Variants in PTPRD observed in about 807,000 individuals in gnomAD.
PTPRD encodes the protein receptor-type tyrosine-protein phosphatase delta.
PTPRD carries 34 observed loss-of-function variants against 214.5 expected under a neutral mutation model. The observed-to-expected ratio is 0.16, with a 90% CI of 0.12 to 0.21. The LOEUF (loss-of-function observed/expected upper bound fraction) is 0.21. Ranked by LOEUF, PTPRD falls within the 10% of genes least tolerant of loss-of-function variation. PTPRD has a pLI of 1.00. For missense variants in PTPRD, 2,545 were observed against 2,398.7 expected, an observed-to-expected ratio of 1.06 and a Z score of -1.27; for synonymous variants, 1,128 against 845.7, an observed-to-expected ratio of 1.33 and a Z score of -5.79.
intron 3 of PTPRD, among the ~76,000 whole-genome samples, chr9:10,178,677 A>G (rs971420190): frequency 4.6e-5 from 7 of 152,038 alleles, no homozygotes; most frequent in Admixed American, 3.3e-4. Context: ...CAGATACATC[A>G]GGATTTCTCA....
chr9:8,498,515 A>G lies in PTPRD; in HGVS notation c.2322+1132T>C, dbSNP rs182324738. The stretch of plus-strand genomic sequence containing the variant: ...ATGGTCTCGATCTCTTGACCAGGGG[A>G]TCCGTCCGCCTTTACAGACGAGAAC... On this transcript the variant is annotated intron_variant, in intron 25 of 45. Transcript: ENST00000381196. Among the ~76,000 whole-genome samples, 194 of 152,272 alleles carry G rather than the reference A, an allele frequency of 1.3e-3. 1 individual carries two copies. Among genetic ancestry groups the G allele is most frequent in the African/African-American group, 4.0e-3 (165 of 41,556 alleles).
At chr9:9,173,441 G>A (rs1222067566) in intron 10 of PTPRD, among the ~76,000 whole-genome samples, 1 of 152,086 alleles carries the variant, frequency 6.6e-6, no homozygotes, top group Non-Finnish European at 1.5e-5. Flanking sequence ...TGATAAATGT[G>A]TTGTTAGCTG....
chr9:9,867,761 T>TA (rs1047566344), intron 5 of PTPRD, among the ~76,000 whole-genome samples: 4 of 152,110 alleles, frequency 2.6e-5, no homozygotes, highest in Non-Finnish European at 5.9e-5. Context: ...GGCAGGCAAG[T>TA]AGGTTTAAGC....
At chr9:10,469,757 C>G (rs2099018123) in intron 2 of PTPRD, among the ~76,000 whole-genome samples, 1 of 151,954 alleles carries the variant, frequency 6.6e-6, no homozygotes, top group Admixed American at 6.6e-5. Flanking sequence ...TAGAACCAAC[C>G]CAAGTGTCCA....
At chr9:9,995,012 G>C (rs986669965) in intron 4 of PTPRD, among the ~76,000 whole-genome samples, 2 of 151,906 alleles carry the variant, frequency 1.3e-5, no homozygotes, top group Non-Finnish European at 2.9e-5. Context: ...ACATATATAA[G>C]CAAAATGAGT....
chr9:8,928,943 C>A (rs1453074769), intron 11 of PTPRD, among the ~76,000 whole-genome samples: 1 of 152,116 alleles, frequency 6.6e-6, no homozygotes, highest in Non-Finnish European at 1.5e-5. Flanking sequence ...ATTTTATTCT[C>A]TTTGTAGCAA....
intron 5 of PTPRD, among the ~76,000 whole-genome samples, chr9:9,847,009 A>AG (rs1291986935): frequency 6.6e-6 from 1 of 152,144 alleles, no homozygotes; most frequent in Non-Finnish European, 1.5e-5. Flanking sequence ...CCAGAAAAAA[A>AG]TAAAGCATCC....
At chr9:9,202,661 A>G (rs1218660175) in intron 9 of PTPRD, among the ~76,000 whole-genome samples, 1 of 152,194 alleles carries the variant, frequency 6.6e-6, no homozygotes, top group African/African-American at 2.4e-5. Flanking sequence ...GTTGTGAATT[A>G]GCAGTATGAA....
chr9:9,937,286 T>C (rs548865379), intron 5 of PTPRD, among the ~76,000 whole-genome samples: 30 of 150,512 alleles, frequency 2.0e-4, no homozygotes, highest in Middle Eastern at 6.8e-3. Flanking sequence ...CTCTTTTATC[T>C]TTTTTCTCTA....
At chr9:10,432,360 G>A (rs1449971888) in intron 2 of PTPRD, among the ~76,000 whole-genome samples, 32 of 150,894 alleles carry the variant, frequency 2.1e-4, no homozygotes, top group Non-Finnish European at 3.7e-4. Flanking sequence ...TGGGTGCAGC[G>A]CACCAGCATG....
chr9:9,570,887 G>T (rs979243608), intron 8 of PTPRD, among the ~76,000 whole-genome samples: 1 of 151,318 alleles, frequency 6.6e-6, no homozygotes, highest in Non-Finnish European at 1.5e-5. Context: ...TTAGTTTCAA[G>T]GATTTTAATT....
chr9:10,575,381 T>C (rs2068891367), intron 2 of PTPRD, among the ~76,000 whole-genome samples: 1 of 151,982 alleles, frequency 6.6e-6, no homozygotes, highest in African/African-American at 2.4e-5. Flanking sequence ...TAGGAAAAAA[T>C]GATGTGTTCT....
At chr9:9,417,044 G>C (rs1413761743) in intron 8 of PTPRD, among the ~76,000 whole-genome samples, 1 of 152,054 alleles carries the variant, frequency 6.6e-6, no homozygotes, top group Non-Finnish European at 1.5e-5. Context: ...CAAAAACCTG[G>C]ATATACTGCT....
chr9:9,429,381 G>T (rs111601398), intron 8 of PTPRD, among the ~76,000 whole-genome samples: 2 of 151,942 alleles, frequency 1.3e-5, no homozygotes, highest in Non-Finnish European at 2.9e-5. Context: ...TAGACCAATA[G>T]CAGGCTCTGA....
intron 4 of PTPRD, among the ~76,000 whole-genome samples, chr9:9,977,891 A>C (rs1363413974): frequency 6.6e-6 from 1 of 151,644 alleles, no homozygotes; most frequent in East Asian, 1.9e-4. Context: ...TTCTGACATA[A>C]TATGGCATTT....
intron 12 of PTPRD, among the ~76,000 whole-genome samples, chr9:8,656,186 T>C (rs2096906051): frequency 6.6e-6 from 1 of 152,226 alleles, no homozygotes; most frequent in Non-Finnish European, 1.5e-5. Flanking sequence ...GACCAGATCC[T>C]GAATCAGAAT....
intron 2 of PTPRD, among the ~76,000 whole-genome samples, chr9:10,482,366 G>A (rs760768333): frequency 9.7e-4 from 147 of 151,808 alleles, no homozygotes; most frequent in Non-Finnish European, 9.9e-4. Flanking sequence ...GCAAGACTCC[G>A]TTTCAATAAA....
intron 8 of PTPRD, among the ~76,000 whole-genome samples, chr9:9,426,378 T>C (rs1005160615): frequency 3.3e-5 from 5 of 152,212 alleles, no homozygotes; most frequent in African/African-American, 1.2e-4. Flanking sequence ...CCACCATTGC[T>C]GAGGCTTGAG....
At chr9:9,299,095 G>A (rs1045619679) in intron 9 of PTPRD, among the ~76,000 whole-genome samples, 1 of 151,706 alleles carries the variant, frequency 6.6e-6, no homozygotes, top group Admixed American at 6.6e-5. Flanking sequence ...ATTATGGATG[G>A]TAAGAAAAAC....
Sources: gnomAD v4.1 joint callset for allele counts (sites outside exome capture counted in the v4.1 genomes callset) on GRCh38, gnomAD v4.1.1 for gene constraint, MANE v1.5 for transcripts, NCBI Gene and HGNC (gene_info 2026-07-23, HGNC 2026-07-21) for gene names.